The following SPO11 variants were observed in gnomAD, a reference collection of about 807,000 sequenced individuals.
SPO11 encodes the protein meiotic recombination protein SPO11.
Under a neutral mutation model 51.6 loss-of-function variants are expected in SPO11, and 49 were observed. The ratio of observed to expected loss-of-function variants is 0.95; its 90% CI spans 0.75 to 1.20. The LOEUF (loss-of-function observed/expected upper bound fraction) is 1.20. SPO11 is among the 50% of genes most tolerant of loss of function. The probability of loss-of-function intolerance (pLI) is 0.00; values close to 1 mark genes in which losing one functional copy is unlikely to be tolerated. For synonymous variants in SPO11, 176 were observed against 158.2 expected (o/e 1.11, Z -0.84); for missense variants, 431 against 473.4 (o/e 0.91, Z 0.83).
chr20:57,333,887 G>A (rs939811975), intron 4 of SPO11, 100 bp from the exon 5 acceptor site: 11 of 914,062 alleles, frequency 1.2e-5, no homozygotes, highest in Non-Finnish European at 1.8e-5. Flanking sequence ...TATATGTTGT[G>A]TTTTCATCCA....
intron 12 of SPO11, among the ~76,000 whole-genome samples, 192 bp downstream of exon 12, chr20:57,343,032 A>G (rs2066602250): frequency 6.6e-6 from 1 of 152,156 alleles, no homozygotes; most frequent in Non-Finnish European, 1.5e-5. Context: ...CAGTGAATGG[A>G]GCTGGCCTGT....
Position 57,343,419 on chromosome 20 carries a change from G to C in SPO11, c.1150G>C (p.Val384Leu). 1.2e-6 allele frequency: 2 copies of C among 1,610,996 alleles called. No homozygotes were observed. The highest frequency in any genetic ancestry group is 1.7e-6 in the Non-Finnish European group (2 of 1,178,848). ...TFLSSDYLSR[V>L]YLPNKLKFGG... ...CCTATCATCAGATTATCTTTCCAGA[G>C]TGTACTTACCTAACAAATTAAAATT... Residue 384 changes from valine (V) to leucine (L), a missense_variant, in exon 13 of 13, where the codon GTG (valine) becomes CTG (leucine). Transcript: ENST00000371263.
chr20:57,335,847 A>G lies in SPO11; in HGVS notation c.684A>G (p.Thr228=). Residue 228 remains threonine, a synonymous_variant, in exon 8 of 13, where the codon ACA becomes ACG. Coordinates refer to ENST00000371263, the MANE Select transcript of SPO11 (RefSeq NM_012444.3). ...KFVLIVEKDA[T]FQRLLDDNFC... ...TATTAATTGTAGAAAAAGATGCAAC[A>G]TTTCAGCGGCTCCTAGATGACAACT... 6.2e-7 allele frequency: 1 copy of G among 1,613,674 alleles called. No individual in the cohort carries two copies. Among genetic ancestry groups the G allele is most frequent in the Non-Finnish European group, 8.5e-7 (1 of 1,179,772 alleles).
In SPO11 at chr20:57,329,973, A is replaced by C. The variant is rs28368062; in HGVS notation, c.106A>C (p.Thr36Pro). Residue 36 changes from threonine to proline, a missense_variant, in exon 1 of 13, where the codon ACT becomes CCT. This residue lies in a region of SPO11 where 405 missense variants were observed against 425.9 expected (regional missense o/e 0.95). Transcript: ENST00000371263. ...GAGGAGAGGTGGCAGGGAGCCCCCA[A>C]CTGGGGGAAGCCGCCTGGCCTCCAG... Reference protein sequence around the residue: ...ALRRGGREPPTGGSRLASSSE... With the variant: ...ALRRGGREPPPGGSRLASSSE... 86 of 1,608,472 alleles carry C rather than the reference A, an allele frequency of 5.3e-5. No individual in the cohort carries two copies. In the African/African-American group the frequency reaches 7.9e-4, roughly 15 times the overall value.
At chr20:57,332,096 AC>A in intron 2 of SPO11, 150 bp downstream of exon 2, 2 of 481,748 alleles carry the variant, frequency 4.2e-6, no homozygotes. Flanking sequence ...TACATACCAT[AC>A]AGAGAGGTTA....
chr20:57,338,437 T>G, intron 9 of SPO11, 62 bp downstream of exon 9: 1 of 1,275,752 alleles, frequency 7.8e-7, no homozygotes, highest in Non-Finnish European at 1.1e-6. Context: ...GTTGTTGTGT[T>G]TTCTTCCTCT....
At chr20:57,330,161 T>C (rs1043006143) in intron 1 of SPO11, among the ~76,000 whole-genome samples, 163 bp downstream of exon 1, 1 of 152,180 alleles carries the variant, frequency 6.6e-6, no homozygotes, top group Admixed American at 6.5e-5. Flanking sequence ...GTGACCTGCT[T>C]TGAACCCTTA....
intron 3 of SPO11, 107 bp downstream of exon 3, chr20:57,333,383 C>A: frequency 8.4e-6 from 6 of 712,818 alleles, no homozygotes; most frequent in South Asian, 6.2e-5. Flanking sequence ...TTTAATAGAT[C>A]ACTTTCATAC....
At chr20:57,340,807 G>A (rs1445098020) in intron 11 of SPO11, among the ~76,000 whole-genome samples, 1 of 151,498 alleles carries the variant, frequency 6.6e-6, no homozygotes, top group Non-Finnish European at 1.5e-5. Flanking sequence ...CAATTAAATT[G>A]TAACCATTGA....
chr20:57,338,846 C>A, intron 9 of SPO11, 143 bp from the exon 10 acceptor site: 1 of 539,900 alleles, frequency 1.9e-6, no homozygotes. Flanking sequence ...TTTATCGTTA[C>A]TTTGTCATAT....
intron 10 of SPO11, 43 bp downstream of exon 10, chr20:57,339,069 T>A (rs751252053): frequency 1.5e-6 from 2 of 1,303,530 alleles, no homozygotes; most frequent in Non-Finnish European, 2.1e-6. Context: ...TATTTAGACA[T>A]TTTATATTCA....
chr20:57,337,004 T>C (rs572819842), intron 8 of SPO11, among the ~76,000 whole-genome samples: 1 of 152,324 alleles, frequency 6.6e-6, no homozygotes, highest in African/African-American at 2.4e-5. Flanking sequence ...GAAATCCATG[T>C]TGCTATAATG....
intron 11 of SPO11, among the ~76,000 whole-genome samples, chr20:57,342,390 T>C (rs2066593238): frequency 6.6e-6 from 1 of 152,244 alleles, no homozygotes; most frequent in Admixed American, 6.5e-5. Context: ...ATTATTAAGC[T>C]GCCCTGGTAT....
chr20:57,329,840 C>T lies in SPO11; in HGVS notation c.-28C>T, dbSNP rs989019288. On this transcript the variant is annotated 5_prime_UTR_variant, in exon 1 of 13. Transcript: ENST00000371263. Reference sequence around the variant, plus strand: ...AGGGCGCAGCCTAGGACAGGGGCTTCTGGAGCTTCTGGCAGCCGTCTGCCC... The same window carrying T: ...AGGGCGCAGCCTAGGACAGGGGCTTTTGGAGCTTCTGGCAGCCGTCTGCCC... The T allele has an allele frequency of 6.9e-6, 11 of 1,601,758 alleles. No individual in the cohort carries two copies. Among genetic ancestry groups the T allele is most frequent in the South Asian group, 5.5e-5 (5 of 90,442 alleles).
chr20:57,330,878 T>A (rs2066441010), intron 1 of SPO11, among the ~76,000 whole-genome samples: 1 of 152,234 alleles, frequency 6.6e-6, no homozygotes, highest in Non-Finnish European at 1.5e-5. Context: ...ATCTTAAAGT[T>A]GGTTACAGTA....
At position 57,343,750 on chromosome 20, in the gene SPO11, T is replaced by G. The variant is rs929876304; in HGVS notation, c.*290T>G. ...AAATTATTTTTGAAAAAATAATATTTTATACATGTCATCAAAGTCTACAAA... is the reference window on the plus strand; with the variant it reads ...AAATTATTTTTGAAAAAATAATATTGTATACATGTCATCAAAGTCTACAAA... On this transcript the variant is annotated 3_prime_UTR_variant, in exon 13 of 13. Coordinates refer to ENST00000371263, the MANE Select transcript of SPO11 (RefSeq NM_012444.3). 5.4e-6 allele frequency: 1 copy of G among 183,712 alleles called. No homozygotes were observed. The highest frequency in any genetic ancestry group is 2.4e-5 in the African/African-American group (1 of 42,412). 11.4% of individuals were successfully genotyped at this position (183,712 alleles called of 1,614,324 possible). A position where few individuals can be genotyped will look rare whatever the true frequency, so the allele number is the denominator to read the frequency against.
At chr20:57,341,253 GC>G (rs1203040782) in intron 11 of SPO11, among the ~76,000 whole-genome samples, 1 of 152,200 alleles carries the variant, frequency 6.6e-6, no homozygotes, top group African/African-American at 2.4e-5. Context: ...GATAGGTCGT[GC>G]TTTGATGCAG....
At position 57,331,948 on chromosome 20, in the gene SPO11, T is replaced by C. The variant is rs1203601589; in HGVS notation, c.245+2T>C. 2 of 1,547,588 alleles carry C rather than the reference T, an allele frequency of 1.3e-6. No individual in the cohort carries two copies. Among genetic ancestry groups the C allele is most frequent in the East Asian group, 4.6e-5 (2 of 43,780 alleles). On this transcript the variant is annotated splice_donor_variant, in intron 2 of 12. Coordinates refer to ENST00000371263, the MANE Select transcript of SPO11 (RefSeq NM_012444.3). LOFTEE classifies it high-confidence loss of function. ...CAGATCAAGCTGGGAAAACATAAAGTGGGCATTTTGCATTTTTATTTTTTA... is the reference window on the plus strand; with the variant it reads ...CAGATCAAGCTGGGAAAACATAAAGCGGGCATTTTGCATTTTTATTTTTTA...
At chr20:57,343,263 T>G in intron 12 of SPO11, 78 bp from the exon 13 acceptor site, 1 of 1,535,832 alleles carries the variant, frequency 6.5e-7, no homozygotes, top group East Asian at 2.3e-5. Context: ...ATAAAGCAAT[T>G]CTAGATTACT....
Sources: allele counts gnomAD v4.1 joint callset (sites outside exome capture counted in the v4.1 genomes callset), GRCh38; gene constraint gnomAD v4.1.1; regional missense constraint gnomAD v4.1.1; transcripts MANE v1.5; gene names NCBI Gene and HGNC (gene_info 2026-07-23, HGNC 2026-07-21).